The following ESR2 variants were observed in gnomAD, a reference collection of about 807,000 sequenced individuals.
ESR2 encodes estrogen receptor beta.
A neutral mutation model predicts 49.6 loss-of-function variants in ESR2; 36 were observed. That is an observed-to-expected ratio of 0.73 (90% CI 0.56 to 0.96). The LOEUF (loss-of-function observed/expected upper bound fraction) is 0.96, where lower values mean the gene tolerates loss of function less well. Among genes scored for constraint, ESR2 ranks in the 40% least tolerant of loss-of-function variants. The pLI is 0.00. For synonymous variants in ESR2, 320 were observed against 266.1 expected, an observed-to-expected ratio of 1.20 and a Z score of -1.97; for missense variants, 714 against 693.0, an observed-to-expected ratio of 1.03 and a Z score of -0.34.
intron 1 of ESR2, among the ~76,000 whole-genome samples, chr14:64,312,738 C>A (rs2077200250): frequency 6.6e-6 from 1 of 151,916 alleles, no homozygotes; most frequent in African/African-American, 2.4e-5. Context: ...CCTGGCCAGT[C>A]TCTACTAAAA....
At chr14:64,236,938 G>C (rs539743483) in intron 7 of ESR2, among the ~76,000 whole-genome samples, 1 of 150,790 alleles carries the variant, frequency 6.6e-6, no homozygotes, top group Admixed American at 6.6e-5. Flanking sequence ...CTGGACATGA[G>C]TGCTTTGAGG....
Position 64,260,465 on chromosome 14 carries a change from C to A in ESR2, c.936G>T (p.Trp312Cys), listed in dbSNP as rs550448628. ...AAGCCCTACCGGGAATCTTCTTGGC[C>A]CAGCTGATCATGTGTACCAACTCCT... The part of the protein sequence containing the change: ...ADKELVHMIS[W>C]AKKIPGFVEL... Residue 312 changes from tryptophan (W) to cysteine (C), a missense_variant, in exon 5 of 9, where the codon TGG becomes TGT. Transcript: ENST00000341099. 6.6e-7 allele frequency: 1 copy of A among 1,523,652 alleles called. No individual in the cohort carries two copies. The highest frequency in any genetic ancestry group is 1.4e-5 in the African/African-American group (1 of 71,956). The allele number at this position is 1,523,652 out of a possible 1,614,324, so 94.4% of individuals were successfully genotyped here. A position where few individuals can be genotyped will look rare whatever the true frequency, so the allele number is the denominator to read the frequency against.
chr14:64,242,442 AAC>A (rs201768302), intron 7 of ESR2, among the ~76,000 whole-genome samples: 1,019 of 90,254 alleles, frequency 0.011, 12 homozygotes, highest in African/African-American at 0.071. Flanking sequence ...CAAACAAACA[AAC>A]AAAAAAAATA....
intron 1 of ESR2, among the ~76,000 whole-genome samples, chr14:64,306,078 G>A (rs533763525): frequency 1.3e-5 from 2 of 152,094 alleles, no homozygotes; most frequent in African/African-American, 4.8e-5. Flanking sequence ...GCATGGTGGC[G>A]CATGCCTGTA....
chr14:64,326,121 C>T (rs530188927), intron 1 of ESR2, among the ~76,000 whole-genome samples: 2 of 152,234 alleles, frequency 1.3e-5, no homozygotes, highest in African/African-American at 4.8e-5. Context: ...TAGACCCTTG[C>T]TTTACATACA....
At chr14:64,251,323 CAAAA>C (rs557050733) in intron 6 of ESR2, among the ~76,000 whole-genome samples, 1 of 134,952 alleles carries the variant, frequency 7.4e-6, no homozygotes, top group African/African-American at 2.8e-5. Flanking sequence ...AAAAAAAAAA[CAAAA>C]AAACCCACCA....
At chr14:64,312,936 T>C (rs919234063) in intron 1 of ESR2, among the ~76,000 whole-genome samples, 10 of 151,744 alleles carry the variant, frequency 6.6e-5, no homozygotes, top group African/African-American at 2.4e-4. Context: ...TAAAAATAAA[T>C]ACCCCAGTTA....
intron 1 of ESR2, among the ~76,000 whole-genome samples, chr14:64,310,289 T>TAAAAAAA (rs1567795706): frequency 1.6e-5 from 2 of 124,370 alleles, no homozygotes; most frequent in African/African-American, 6.0e-5. Context: ...TCTCAAAAAA[T>TAAAAAAA]AATAATAATA....
In ESR2 at chr14:64,272,513, T is replaced by C. The variant is rs573760835; in HGVS notation, c.536-3602A>G. 3.9e-5 allele frequency among the ~76,000 whole-genome samples: 6 copies of C among 152,316 alleles called. No individual in the cohort carries two copies. In the East Asian group the frequency reaches 1.2e-3, roughly 29 times the overall value. On this transcript the variant is annotated intron_variant, in intron 3 of 8. Transcript: ENST00000341099. ...AGAGTTTCCCCGTGTTTTCTTTTAG[T>C]AGTTTCATAGTTTGAGGCCTTAGAT...
intron 7 of ESR2, among the ~76,000 whole-genome samples, chr14:64,242,444 CAAAAAA>C (rs146972114): frequency 8.2e-6 from 1 of 121,476 alleles, no homozygotes; most frequent in South Asian, 2.4e-4. Flanking sequence ...AACAAACAAA[CAAAAAA>C]AATATATATA....
Position 64,315,841 on chromosome 14 carries a change from G to A in ESR2, c.-91+22057C>T, listed in dbSNP as rs776012223. 3.3e-5 allele frequency among the ~76,000 whole-genome samples: 5 copies of A among 151,930 alleles called. No homozygotes were observed. The South Asian group carries it at 1.0e-3, about 32-fold the overall frequency. ...AGCTAATTTTTGTATTTTTAGTAGA[G>A]AGAGTGTTTCACCATGTTGGCCAGG... is the stretch of plus-strand genomic sequence containing the variant. On this transcript the variant is annotated intron_variant, in intron 1 of 8. Coordinates refer to the ESR2 transcript ENST00000358599.
In ESR2 at chr14:64,235,277, G is replaced by A. The variant is rs189898633; in HGVS notation, c.1226-127C>T. 7.2e-5 allele frequency: 68 copies of A among 940,674 alleles called. No homozygotes were observed. In the African/African-American group the frequency reaches 8.3e-4, roughly 11 times the overall value. The allele number at this position is 940,674 out of a possible 1,614,324, so 58.3% of individuals were successfully genotyped here. On this transcript the variant is annotated intron_variant, in intron 7 of 8. Transcript: ENST00000341099. ...TTTGACAGCTGCATGTGTGGCAGGA[G>A]CTTATAAGCATGGTCTTACCTCCCC...
intron 2 of ESR2, among the ~76,000 whole-genome samples, chr14:64,280,539 CT>C (rs1345351265): frequency 1.3e-5 from 2 of 152,316 alleles, no homozygotes; most frequent in Admixed American, 6.5e-5. Flanking sequence ...CATTGGTCTT[CT>C]GTAGTTACTA....
At chr14:64,328,198 G>A (rs1382486286) in intron 1 of ESR2, among the ~76,000 whole-genome samples, 1 of 152,090 alleles carries the variant, frequency 6.6e-6, no homozygotes, top group African/African-American at 2.4e-5. Flanking sequence ...CTCCAGCTTG[G>A]GTGACACAAC....
intron 4 of ESR2, among the ~76,000 whole-genome samples, chr14:64,266,343 C>T (rs569000623): frequency 2.6e-5 from 4 of 152,230 alleles, no homozygotes; most frequent in South Asian, 4.2e-4. Context: ...GACATGAAAA[C>T]CAAGGGCCAA....
chr14:64,278,238 T>C (rs1374099427), intron 3 of ESR2, among the ~76,000 whole-genome samples: 2 of 152,212 alleles, frequency 1.3e-5, no homozygotes, highest in East Asian at 1.9e-4. Flanking sequence ...CCTTATTTCA[T>C]CTTTAGAAAA....
intron 4 of ESR2, among the ~76,000 whole-genome samples, chr14:64,263,737 A>G (rs2076268875): frequency 1.3e-5 from 2 of 152,182 alleles, no homozygotes; most frequent in Admixed American, 6.5e-5. Flanking sequence ...GAAAAAGAGA[A>G]ACTGACAGAT....
upstream of ESR2, among the ~76,000 whole-genome samples, chr14:64,296,792 T>C (rs2076962673): frequency 6.6e-6 from 1 of 152,192 alleles, no homozygotes; most frequent in South Asian, 2.1e-4. Flanking sequence ...CTGTTTATTA[T>C]ACAAGGAAAC....
intron 1 of ESR2, among the ~76,000 whole-genome samples, chr14:64,327,303 G>A (rs1226932997): frequency 6.6e-6 from 1 of 152,154 alleles, no homozygotes; most frequent in African/African-American, 2.4e-5. Flanking sequence ...GCAAACGCCT[G>A]TAATCCCAGC....
Sources: allele counts gnomAD v4.1 joint callset (sites outside exome capture counted in the v4.1 genomes callset), GRCh38; gene constraint gnomAD v4.1.1; transcripts MANE v1.5; gene names NCBI Gene and HGNC (gene_info 2026-07-23, HGNC 2026-07-21).